The following MRPL48 variants were observed in gnomAD, a reference collection of about 807,000 sequenced individuals.
The protein encoded by MRPL48 is large ribosomal subunit protein mL48.
Under a neutral mutation model 32.9 loss-of-function variants are expected in MRPL48, and 16 were observed. The ratio of observed to expected loss-of-function variants is 0.49; its 90% CI spans 0.33 to 0.74. MRPL48 has a LOEUF of 0.74. MRPL48 is among the 30% of genes least tolerant of loss of function. MRPL48 has a pLI of 0.02. For synonymous variants in MRPL48, 94 were observed against 89.2 expected (o/e 1.05, Z -0.31); for missense variants, 206 against 245.3 (o/e 0.84, Z 1.07).
chr11:73,853,972 G>C (rs994581768), intron 5 of MRPL48, among the ~76,000 whole-genome samples: 2 of 152,094 alleles, frequency 1.3e-5, no homozygotes, highest in Admixed American at 6.5e-5. Context: ...TTACAGGCGT[G>C]AGCCACCGCG....
chr11:73,833,890 T>C (rs1032335173), intron 4 of MRPL48, among the ~76,000 whole-genome samples: 44 of 152,288 alleles, frequency 2.9e-4, no homozygotes, highest in African/African-American at 9.9e-4. Context: ...ATGGGCTCAC[T>C]CTGTCATCTA....
chr11:73,817,164 A>G (rs1254059803), intron 3 of MRPL48, among the ~76,000 whole-genome samples: 2 of 152,174 alleles, frequency 1.3e-5, no homozygotes, highest in East Asian at 3.9e-4. Flanking sequence ...GGCATCAAAT[A>G]GGGCACGTTA....
intron 4 of MRPL48, among the ~76,000 whole-genome samples, chr11:73,841,605 AAGT>A (rs1948187767): frequency 6.6e-6 from 1 of 152,214 alleles, no homozygotes. Context: ...ATGGTTTCAT[AAGT>A]CAGGATAGTG....
intron 4 of MRPL48, among the ~76,000 whole-genome samples, chr11:73,827,579 G>A (rs1425326884): frequency 6.6e-6 from 1 of 152,146 alleles, no homozygotes; most frequent in Non-Finnish European, 1.5e-5. Context: ...TCTCAAGCCT[G>A]TCACTTCCTG....
chr11:73,816,220 C>T lies in MRPL48; in HGVS notation c.112+7870C>T, dbSNP rs1188538824. Reference sequence around the variant, plus strand: ...GGGACTACAGGCGCCCACCACCATGCCCAGCTAATTTTTTGTATTTTTAGT... The same window carrying T: ...GGGACTACAGGCGCCCACCACCATGTCCAGCTAATTTTTTGTATTTTTAGT... On this transcript the variant is annotated intron_variant, in intron 3 of 7. Transcript: ENST00000310614. Among the ~76,000 whole-genome samples, 6 of 151,270 alleles carry T rather than the reference C, an allele frequency of 4.0e-5. No individual in the cohort carries two copies. In the East Asian group the frequency reaches 1.2e-3, roughly 30 times the overall value.
At chr11:73,842,020 C>T (rs1472156357) in intron 4 of MRPL48, 2 of 152,072 alleles carry the variant, frequency 1.3e-5, no homozygotes, top group Admixed American at 1.3e-4. Context: ...GCTCAATCAC[C>T]ACTCACTGCA....
intron 4 of MRPL48, among the ~76,000 whole-genome samples, chr11:73,826,940 C>T (rs1947907133): frequency 6.6e-6 from 1 of 151,124 alleles, no homozygotes; most frequent in East Asian, 2.0e-4. Context: ...CCAAGCCTGG[C>T]TAATTTTGTA....
At chr11:73,812,561 A>G (rs1947583735) in intron 3 of MRPL48, among the ~76,000 whole-genome samples, 1 of 151,888 alleles carries the variant, frequency 6.6e-6, no homozygotes, top group Non-Finnish European at 1.5e-5. Context: ...GTTAGCTGGA[A>G]GCACTGGCAT....
chr11:73,860,405 T>C (rs1250506968), intron 6 of MRPL48: 3 of 154,298 alleles, frequency 1.9e-5, no homozygotes, highest in East Asian at 3.8e-4. Flanking sequence ...CCTCCCCACC[T>C]TTGAGCCTAA....
chr11:73,863,163 A>G lies in MRPL48; in HGVS notation c.475-9A>G, dbSNP rs899932146. ...CCCACCTCTTAGAGCACCTTCTTTC[A>G]TTTTGCAGATCAGCGGTTTGAGTGC... On this transcript the variant is annotated splice_polypyrimidine_tract_variant and intron_variant, in intron 6 of 7. Transcript: ENST00000310614. 6.4e-7 allele frequency: 1 copy of G among 1,573,626 alleles called. No homozygotes were observed. The highest frequency in any genetic ancestry group is 1.3e-5 in the African/African-American group (1 of 74,226).
At position 73,850,878 on chromosome 11, in the gene MRPL48, A is replaced by G. The variant is rs180753569; in HGVS notation, c.371+5902A>G. On this transcript the variant is annotated intron_variant, in intron 5 of 7. Coordinates refer to ENST00000310614, the MANE Select transcript of MRPL48 (RefSeq NM_016055.6). ...TTTTTGGTAGAGACGGGGTTTCACC[A>G]TGTTAGCCAGGATGGTCTCGATCTC... The G allele has an allele frequency of 1.3e-3, 306 of 242,538 alleles. 1 individual carries two copies. Among genetic ancestry groups the G allele is most frequent in the Middle Eastern group, 1.5e-3 (1 of 650 alleles). The allele number at this position is 242,538 out of a possible 1,614,324, so 15.0% of individuals were successfully genotyped here.
At chr11:73,817,468 CTATT>C (rs1947697963) in intron 3 of MRPL48, among the ~76,000 whole-genome samples, 1 of 152,156 alleles carries the variant, frequency 6.6e-6, no homozygotes, top group South Asian at 2.1e-4. Context: ...TTATACTTCT[CTATT>C]TGAGAATCCC....
intron 2 of MRPL48, among the ~76,000 whole-genome samples, 194 bp downstream of exon 2, chr11:73,805,273 A>G (rs974985682): frequency 6.7e-6 from 1 of 148,494 alleles, no homozygotes; most frequent in African/African-American, 2.5e-5. Flanking sequence ...AAATACTTGC[A>G]GTTAATCTTT....
At chr11:73,816,058 A>ATT (rs1947664348) in intron 3 of MRPL48, among the ~76,000 whole-genome samples, 1 of 148,390 alleles carries the variant, frequency 6.7e-6, no homozygotes, top group African/African-American at 2.5e-5. Context: ...ATTTTATTTT[A>ATT]TATTTATTTA....
chr11:73,797,458 C>A (rs984965926), intron 1 of MRPL48, among the ~76,000 whole-genome samples: 7 of 152,358 alleles, frequency 4.6e-5, no homozygotes, highest in African/African-American at 1.7e-4. Flanking sequence ...CCTGGGAGCT[C>A]CCTGAGCCAG....
intron 3 of MRPL48, among the ~76,000 whole-genome samples, chr11:73,814,640 A>C (rs1461391594): frequency 2.0e-5 from 3 of 151,746 alleles, no homozygotes; most frequent in Non-Finnish European, 4.4e-5. Flanking sequence ...GGTTGCAGTG[A>C]GCTGGGATTG....
At chr11:73,838,780 T>C (rs1792163) in intron 4 of MRPL48, among the ~76,000 whole-genome samples, 33,944 of 152,064 alleles carry the variant, frequency 0.22, 4,200 homozygotes, top group African/African-American at 0.33. Context: ...TGTTAAGAAC[T>C]TTAGTAATGC....
intron 3 of MRPL48, among the ~76,000 whole-genome samples, chr11:73,814,540 C>T (rs998465905): frequency 2.0e-5 from 3 of 151,358 alleles, no homozygotes; most frequent in South Asian, 4.2e-4. Flanking sequence ...ACTAAAAATA[C>T]AAAAATTAGC....
intron 2 of MRPL48, among the ~76,000 whole-genome samples, chr11:73,805,629 C>T (rs1330983428): frequency 2.1e-5 from 3 of 145,768 alleles, no homozygotes; most frequent in African/African-American, 7.6e-5. Flanking sequence ...AACTTGTTGG[C>T]TTTACTTTTG....
Sources: allele counts gnomAD v4.1 joint callset (sites outside exome capture counted in the v4.1 genomes callset), GRCh38; gene constraint gnomAD v4.1.1; transcripts MANE v1.5; gene names NCBI Gene and HGNC (gene_info 2026-07-23, HGNC 2026-07-21).